Variants in GRID2 observed in about 807,000 individuals in gnomAD.
GRID2 encodes the protein glutamate receptor ionotropic, delta-2.
In GRID2, 33 loss-of-function variants were observed where a neutral mutation model predicts 114.8. That is an observed-to-expected ratio of 0.29 (90% CI 0.22 to 0.38). The LOEUF is 0.38. Ranked by LOEUF, GRID2 falls within the 10% of genes least tolerant of loss-of-function variation. The pLI is 1.00. For synonymous variants in GRID2, 505 were observed against 449.9 expected, an observed-to-expected ratio of 1.12 and a Z score of -1.55; for missense variants, 1,184 against 1,257.7, an observed-to-expected ratio of 0.94 and a Z score of 0.89.
Position 93,452,741 on chromosome 4 carries a change from G to A in GRID2, c.1546-2921G>A, listed in dbSNP as rs552515428. On this transcript the variant is annotated intron_variant, in intron 10 of 15. Coordinates refer to ENST00000282020, the MANE Select transcript of GRID2 (RefSeq NM_001510.4). Reference sequence around the variant, plus strand: ...AGTAGGATTAAAGATGTGACAAGTCGTTGTAAAAAGTGGACAAGTGAGTTG... The same window carrying A: ...AGTAGGATTAAAGATGTGACAAGTCATTGTAAAAAGTGGACAAGTGAGTTG... 4.6e-5 allele frequency among the ~76,000 whole-genome samples: 7 copies of A among 152,134 alleles called. No homozygotes were observed. In the South Asian group the frequency reaches 6.2e-4, roughly 14 times the overall value.
At chr4:93,283,755 T>G (rs577990911) in intron 8 of GRID2, among the ~76,000 whole-genome samples, 1 of 152,240 alleles carries the variant, frequency 6.6e-6, no homozygotes, top group African/African-American at 2.4e-5. Context: ...CATAGGTGGC[T>G]AAGCGAGCAC....
chr4:92,679,332 T>A (rs1210277613), intron 2 of GRID2, among the ~76,000 whole-genome samples: 1 of 152,066 alleles, frequency 6.6e-6, no homozygotes, highest in Non-Finnish European at 1.5e-5. Context: ...TGCTGTTTCC[T>A]AGAAGTCTAT....
intron 2 of GRID2, among the ~76,000 whole-genome samples, chr4:92,907,641 C>T (rs1748056907): frequency 1.3e-5 from 2 of 151,988 alleles, no homozygotes; most frequent in African/African-American, 2.4e-5. Context: ...AACTCCTGAC[C>T]TCAGTTGATC....
At chr4:93,343,194 T>C in intron 8 of GRID2, among the ~76,000 whole-genome samples, 1 of 151,070 alleles carries the variant, frequency 6.6e-6, no homozygotes, top group East Asian at 1.9e-4. Context: ...TGGGTCATAT[T>C]AGAAGTTATT....
At chr4:92,771,867 C>G (rs1305368595) in intron 2 of GRID2, among the ~76,000 whole-genome samples, 2 of 152,050 alleles carry the variant, frequency 1.3e-5, no homozygotes, top group African/African-American at 4.8e-5. Context: ...GTTCATAGAG[C>G]CAAGATCAGG....
At chr4:93,129,560 A>G (rs1283312398) in intron 4 of GRID2, among the ~76,000 whole-genome samples, 3 of 152,142 alleles carry the variant, frequency 2.0e-5, no homozygotes, top group South Asian at 2.1e-4. Flanking sequence ...GCTGTTGCCA[A>G]TATCACAATC....
intron 14 of GRID2, among the ~76,000 whole-genome samples, chr4:93,662,377 G>A (rs1393400501): frequency 6.6e-6 from 1 of 152,102 alleles, no homozygotes; most frequent in Admixed American, 6.6e-5. Context: ...GAAATATTAT[G>A]CAAATATTAT....
chr4:93,616,910 G>A (rs1202671102), intron 13 of GRID2, among the ~76,000 whole-genome samples: 2 of 151,410 alleles, frequency 1.3e-5, no homozygotes, highest in Middle Eastern at 3.4e-3. Context: ...CGAGAATGGC[G>A]TGAACCCGGG....
At chr4:92,679,084 A>G (rs1476360367) in intron 2 of GRID2, among the ~76,000 whole-genome samples, 1 of 151,882 alleles carries the variant, frequency 6.6e-6, no homozygotes, top group East Asian at 1.9e-4. Context: ...TGTAGCTTCA[A>G]TTCCTAAACA....
At chr4:92,930,900 A>G (rs1047672557) in intron 2 of GRID2, among the ~76,000 whole-genome samples, 4 of 151,146 alleles carry the variant, frequency 2.6e-5, no homozygotes, top group African/African-American at 4.8e-5. Context: ...AGAAAACTCC[A>G]GGCACGGAAA....
At chr4:93,707,305 A>C (rs1260896454) in intron 14 of GRID2, among the ~76,000 whole-genome samples, 1 of 152,182 alleles carries the variant, frequency 6.6e-6, no homozygotes, top group South Asian at 2.1e-4. Flanking sequence ...GTGTTTGATA[A>C]AATTCAGCTG....
At chr4:93,636,456 C>CGT (rs1560848532) in intron 14 of GRID2, among the ~76,000 whole-genome samples, 1 of 152,092 alleles carries the variant, frequency 6.6e-6, no homozygotes, top group Non-Finnish European at 1.5e-5. Flanking sequence ...CACACGCACA[C>CGT]ACACATACTC....
chr4:93,353,710 A>C (rs546810467), intron 8 of GRID2, among the ~76,000 whole-genome samples: 1 of 152,222 alleles, frequency 6.6e-6, no homozygotes, highest in Non-Finnish European at 1.5e-5. Context: ...AAAATTCCAA[A>C]GGTGTTTTAA....
At chr4:93,738,608 T>C (rs548666547) in intron 14 of GRID2, among the ~76,000 whole-genome samples, 6 of 152,180 alleles carry the variant, frequency 3.9e-5, no homozygotes, top group African/African-American at 1.4e-4. Context: ...ACTTTGGGGC[T>C]CTAAATTAAG....
chr4:92,324,682 C>G (rs1560568025), intron 1 of GRID2, among the ~76,000 whole-genome samples: 1 of 151,526 alleles, frequency 6.6e-6, no homozygotes, highest in African/African-American at 2.4e-5. Flanking sequence ...ACTAAATTAA[C>G]AAAAAGATGT....
intron 13 of GRID2, among the ~76,000 whole-genome samples, chr4:93,537,872 T>C (rs1404371716): frequency 6.6e-6 from 1 of 151,786 alleles, no homozygotes; most frequent in Admixed American, 6.6e-5. Flanking sequence ...TTTTTCCTTT[T>C]GTTATATAGG....
intron 2 of GRID2, among the ~76,000 whole-genome samples, chr4:92,954,413 G>GTTTTATTTTA (rs199836628): frequency 1.3e-4 from 19 of 151,170 alleles, no homozygotes; most frequent in East Asian, 5.9e-4. Context: ...TGTTTCTGCA[G>GTTTTATTTTA]TTTTATTTTA....
chr4:93,336,084 G>C (rs558852199), intron 8 of GRID2, among the ~76,000 whole-genome samples: 5 of 152,154 alleles, frequency 3.3e-5, no homozygotes, highest in Admixed American at 1.3e-4. Flanking sequence ...TTGCCACCAA[G>C]TTTAAACAGC....
At chr4:93,151,109 G>C (rs1017705886) in intron 4 of GRID2, among the ~76,000 whole-genome samples, 1 of 111,686 alleles carries the variant, frequency 9.0e-6, no homozygotes, top group Non-Finnish European at 1.7e-5. Context: ...AGGTGACAGA[G>C]TAAGACTCCT....
Sources: gnomAD v4.1 joint callset for allele counts (sites outside exome capture counted in the v4.1 genomes callset) on GRCh38, gnomAD v4.1.1 for gene constraint, MANE v1.5 for transcripts, NCBI Gene and HGNC (gene_info 2026-07-23, HGNC 2026-07-21) for gene names.